The following PPL variants were observed in gnomAD, a reference collection of about 807,000 sequenced individuals.
PPL encodes 190 kDa paraneoplastic pemphigus antigen.
A neutral mutation model predicts 194.4 loss-of-function variants in PPL; 198 were observed. The ratio of observed to expected loss-of-function variants is 1.02; its 90% CI spans 0.91 to 1.15. The LOEUF is 1.15. Ranked by LOEUF, PPL falls within the 50% of genes most tolerant of loss-of-function variation. PPL has a pLI of 0.00. For missense variants in PPL, 2,885 were observed against 2,294.8 expected (o/e 1.26, Z -5.25); for synonymous variants, 1,220 against 972.4 (o/e 1.25, Z -4.74).
intron 9 of PPL, among the ~76,000 whole-genome samples, chr16:4,896,365 G>A (rs1204413908): frequency 2.6e-5 from 4 of 152,232 alleles, no homozygotes; most frequent in African/African-American, 9.6e-5. Flanking sequence ...GATAAACACA[G>A]TGGTCTAGCC....
In PPL at chr16:4,902,338, C is replaced by T. The variant is rs2088590515; in HGVS notation, c.438+68G>A. 3 of 1,593,566 alleles carry T rather than the reference C, an allele frequency of 1.9e-6. No individual in the cohort carries two copies. The highest frequency in any genetic ancestry group is 2.7e-5 in the African/African-American group (2 of 74,536). On this transcript the variant is annotated intron_variant, in intron 4 of 21. Transcript: ENST00000345988. This position sits in a 1 kb window ranked among gnomAD's most constrained non-coding sequence, Gnocchi z 4.0. ...GGGATGCCCATTACATGGGTAGGCT[C>T]TCCCTGCACACGCACAGCCCCCTCC...
At chr16:4,931,507 C>T (rs1432889784) in intron 1 of PPL, among the ~76,000 whole-genome samples, 2 of 152,214 alleles carry the variant, frequency 1.3e-5, no homozygotes, top group African/African-American at 4.8e-5. Context: ...AGCACAGCAA[C>T]CCATCAGAAG....
chr16:4,886,495 C>T (rs1002592017), intron 21 of PPL, among the ~76,000 whole-genome samples: 1 of 152,258 alleles, frequency 6.6e-6, no homozygotes, highest in Non-Finnish European at 1.5e-5. Flanking sequence ...TGTTTCCGCT[C>T]TCTGGACAGA....
intron 1 of PPL, among the ~76,000 whole-genome samples, chr16:4,919,718 C>G (rs1203827220): frequency 6.6e-6 from 1 of 151,590 alleles, no homozygotes; most frequent in East Asian, 2.0e-4. Flanking sequence ...TCTCTTGAGC[C>G]TAGGAGTTCG....
chr16:4,937,000 TG>T lies in PPL; in HGVS notation c.45del (p.Thr16LeufsTer15). The T allele has an allele frequency of 6.4e-7, 1 of 1,559,152 alleles. No individual in the cohort carries two copies. Among genetic ancestry groups the T allele is most frequent in the South Asian group, 1.2e-5 (1 of 85,838 alleles). ...CCTCCTCACCTCCGGGTCTGCACAG[TG>T]GGGCTGTATTTGCCTTTGTTTCTCT... ...FRKRNKGKYS[P>X]TVQTRSISNK... is the part of the protein sequence containing the mutation. On this transcript the variant is annotated frameshift_variant, in exon 1 of 22. Transcript: ENST00000345988. LOFTEE classifies it high-confidence loss of function.
In PPL at chr16:4,885,874, C is replaced by T; in HGVS notation, c.2781G>A (p.Gly927=). ...QEEIWTLRNQ[G]PQESVVRKEV... is the part of the protein sequence containing the mutation. ...CCTTCCTCACCACCGATTCCTGAGG[C>T]CCCTGATTCCTCAAGGTCCAGATTT... The change falls in exon 22 of 22, where the codon GGG becomes GGA. Residue 927 remains glycine (G), a synonymous_variant. Transcript: ENST00000345988. This position sits in a 1 kb window ranked among gnomAD's most constrained non-coding sequence, Gnocchi z 6.3. 4 of 1,609,132 alleles carry T rather than the reference C, an allele frequency of 2.5e-6. No individual in the cohort carries two copies. The highest frequency in any genetic ancestry group is 1.7e-6 in the Non-Finnish European group (2 of 1,180,008).
intron 16 of PPL, chr16:4,891,600 A>G: frequency 5.4e-6 from 3 of 560,642 alleles, no homozygotes; most frequent in Non-Finnish European, 6.1e-6. Context: ...TGATCTTAAA[A>G]TGCTGGCACC....
Position 4,894,588 on chromosome 16 carries a change from G to T in PPL, c.1273C>A (p.Leu425Met), listed in dbSNP as rs199977200. ...GLISRGYSYT[L>M]QKNNGESWEL... Reference sequence around the variant, plus strand: ...CAGCTCTCCCCGTTGTTCTTCTGCAGGGTGTAGCTGTAGCCCCGCGAGATC... The same window carrying T: ...CAGCTCTCCCCGTTGTTCTTCTGCATGGTGTAGCTGTAGCCCCGCGAGATC... The change falls in exon 12 of 22, where the codon CTG becomes ATG. Residue 425 changes from leucine (L) to methionine (M), a missense_variant. By Grantham distance (15) the Leu-to-Met change is conservative. Coordinates refer to ENST00000345988, the MANE Select transcript of PPL (RefSeq NM_002705.5). 2 of 1,613,632 alleles carry T rather than the reference G, an allele frequency of 1.2e-6. No homozygotes were observed. The highest frequency in any genetic ancestry group is 1.7e-6 in the Non-Finnish European group (2 of 1,179,948).
At chr16:4,893,185 C>T (rs1351761476) in intron 14 of PPL, 28 bp downstream of exon 14, 1 of 1,513,730 alleles carries the variant, frequency 6.6e-7, no homozygotes, top group Non-Finnish European at 8.8e-7. Flanking sequence ...CTCCCCCGGC[C>T]CCACCTGTGC....
chr16:4,932,197 G>C (rs1429395309), intron 1 of PPL, among the ~76,000 whole-genome samples: 2 of 151,760 alleles, frequency 1.3e-5, no homozygotes, highest in Non-Finnish European at 2.9e-5. Context: ...CTGCATGGCA[G>C]GCCCGCTGTC....
chr16:4,936,895 C>A (rs1400685543), intron 1 of PPL, 89 bp downstream of exon 1: 8 of 1,326,332 alleles, frequency 6.0e-6, no homozygotes, highest in Admixed American at 2.4e-5. Flanking sequence ...CCGTACCCCC[C>A]ATTCCTACAC....
intron 1 of PPL, among the ~76,000 whole-genome samples, chr16:4,922,572 G>A (rs1596583733): frequency 6.6e-6 from 1 of 152,326 alleles, no homozygotes; most frequent in South Asian, 2.1e-4. Context: ...TGAGACAGGA[G>A]AATCGCTTGA....
intron 1 of PPL, among the ~76,000 whole-genome samples, chr16:4,911,521 G>A (rs943490384): frequency 2.0e-5 from 3 of 151,696 alleles, no homozygotes; most frequent in Non-Finnish European, 2.9e-5. Flanking sequence ...TCATTCATTC[G>A]TTCATTCATT....
At chr16:4,907,054 G>A (rs139532505) in intron 2 of PPL, among the ~76,000 whole-genome samples, 328 of 144,374 alleles carry the variant, frequency 2.3e-3, no homozygotes, top group African/African-American at 8.0e-3. Flanking sequence ...AGACCAGCCC[G>A]GGCAATATAG....
At chr16:4,915,836 A>T (rs1010792402) in intron 1 of PPL, among the ~76,000 whole-genome samples, 1 of 152,130 alleles carries the variant, frequency 6.6e-6, no homozygotes, top group Non-Finnish European at 1.5e-5. Context: ...GTGGAAACTG[A>T]GGATCAGAGA....
At chr16:4,911,156 C>CTTTTT (rs34229581) in intron 1 of PPL, among the ~76,000 whole-genome samples, 13 of 85,902 alleles carry the variant, frequency 1.5e-4, no homozygotes, top group Non-Finnish European at 2.5e-4. Flanking sequence ...GGTCAGCCTC[C>CTTTTT]TTTTTTTTTT....
In PPL at chr16:4,884,131, C is replaced by T. The variant is rs913792586; in HGVS notation, c.4524G>A (p.Glu1508=). The T allele has an allele frequency of 6.2e-7, 1 of 1,613,590 alleles. No homozygotes were observed. The highest frequency in any genetic ancestry group is 8.5e-7 in the Non-Finnish European group (1 of 1,179,994). The change falls in exon 22 of 22, where the codon GAG becomes GAA. Residue 1508 remains glutamate (E), a synonymous_variant. Transcript: ENST00000345988. The surrounding 1 kb of genome is among the most constrained non-coding windows in gnomAD (Gnocchi z 5.7). ...GGATCTCTTGCTCGGTGTCGCCCTT[C>T]TCCACCTGGACACTCTCGGAGAGCA... ...KVVLSESVQV[E]KGDTEQEIQR...
Position 4,911,497 on chromosome 16 carries a change from T to C in PPL, c.63-548A>G, listed in dbSNP as rs544453288. Among the ~76,000 whole-genome samples the C allele has an allele frequency of 3.3e-5, 5 of 151,574 alleles. No homozygotes were observed. The South Asian group carries it at 1.1e-3, about 32-fold the overall frequency. ...TTGATCATTCTCTCTAATGCTTCTATTTTTTATTTTTATTCATTCATTCGT... is the reference window on the plus strand; with the variant it reads ...TTGATCATTCTCTCTAATGCTTCTACTTTTTATTTTTATTCATTCATTCGT... On this transcript the variant is annotated intron_variant, in intron 1 of 21. Coordinates refer to ENST00000345988, the MANE Select transcript of PPL (RefSeq NM_002705.5).
chr16:4,926,893 CAAAAAA>C (rs906386976), intron 1 of PPL, among the ~76,000 whole-genome samples: 3 of 110,398 alleles, frequency 2.7e-5, no homozygotes, highest in Non-Finnish European at 5.2e-5. Context: ...AAAAAAAAAA[CAAAAAA>C]AAACCAAAAA....
Sources: allele counts gnomAD v4.1 joint callset (sites outside exome capture counted in the v4.1 genomes callset), GRCh38; gene constraint gnomAD v4.1.1; non-coding constraint Gnocchi (gnomAD v3.1); transcripts MANE v1.5; gene names NCBI Gene and HGNC (gene_info 2026-07-23, HGNC 2026-07-21).